MAP3K14: variants seen among roughly 807,000 people sequenced by gnomAD.
MAP3K14 encodes mitogen-activated protein kinase kinase kinase 14.
In MAP3K14, 16 loss-of-function variants were observed where a neutral mutation model predicts 99.2. The observed-to-expected ratio is 0.16, with a 90% confidence interval of 0.11 to 0.24. The LOEUF (loss-of-function observed/expected upper bound fraction) is 0.24, where lower values mean the gene tolerates loss of function less well. Ranked by LOEUF, MAP3K14 falls within the 10% of genes least tolerant of loss-of-function variation. The pLI is 1.00. For missense variants in MAP3K14, 784 were observed against 1,208.7 expected (o/e 0.65, Z 5.21); for synonymous variants, 462 against 492.4 (o/e 0.94, Z 0.82).
At chr17:45,275,048 AG>A (rs1280666888) in intron 6 of MAP3K14, among the ~76,000 whole-genome samples, 4 of 151,994 alleles carry the variant, frequency 2.6e-5, no homozygotes, top group African/African-American at 9.7e-5. Context: ...CTGAGGCAGG[AG>A]AATGGCGTGA....
intron 1 of MAP3K14, among the ~76,000 whole-genome samples, chr17:45,296,440 G>T (rs1301272556): frequency 2.0e-5 from 3 of 152,042 alleles, no homozygotes; most frequent in Non-Finnish European, 4.4e-5. Flanking sequence ...CAGGAGGGTT[G>T]CTTGAGCCTG....
At chr17:45,290,178 G>T (rs1484265301) in intron 2 of MAP3K14, among the ~76,000 whole-genome samples, 2 of 152,132 alleles carry the variant, frequency 1.3e-5, no homozygotes, top group Non-Finnish European at 2.9e-5. Context: ...CAGACACTGG[G>T]GCTGCTCAAG....
At position 45,264,346 on chromosome 17, in the gene MAP3K14, T is replaced by A; in HGVS notation, c.*290A>T. ...TCCAAGCGGGTCAGGCCAACTCGAC[T>A]GGAGCAGGGCAGAGAAGATCCTGTT... On this transcript the variant is annotated 3_prime_UTR_variant, in exon 16 of 16. Coordinates refer to ENST00000344686, the MANE Select transcript of MAP3K14 (RefSeq NM_003954.5). 3.0e-6 allele frequency: 1 copy of A among 334,062 alleles called. No individual in the cohort carries two copies. Among genetic ancestry groups the A allele is most frequent in the South Asian group, 5.5e-5 (1 of 18,160 alleles). 20.7% of individuals were successfully genotyped at this position (334,062 alleles called of 1,614,324 possible).
At chr17:45,280,487 T>C (rs2044213557) in intron 6 of MAP3K14, among the ~76,000 whole-genome samples, 1 of 152,090 alleles carries the variant, frequency 6.6e-6, no homozygotes, top group Admixed American at 6.6e-5. Context: ...GTATTTTTAA[T>C]AGAGACAGGG....
chr17:45,288,204 C>T (rs1324107107), intron 3 of MAP3K14, among the ~76,000 whole-genome samples: 2 of 152,174 alleles, frequency 1.3e-5, no homozygotes, highest in African/African-American at 2.4e-5. Flanking sequence ...GAGGCTCCTA[C>T]CCTGGGCCAA....
At chr17:45,264,952 A>G (rs1182056931) in intron 15 of MAP3K14, among the ~76,000 whole-genome samples, 152 bp from the exon 16 acceptor site, 1 of 152,182 alleles carries the variant, frequency 6.6e-6, no homozygotes, top group Non-Finnish European at 1.5e-5. Context: ...ACCCGGCTCA[A>G]GTGTAGGTCT....
chr17:45,284,548 G>C (rs1026497566), intron 6 of MAP3K14, among the ~76,000 whole-genome samples: 1 of 152,210 alleles, frequency 6.6e-6, no homozygotes, highest in Non-Finnish European at 1.5e-5. Flanking sequence ...TCAGGCCCTG[G>C]CTGTATTGAG....
At chr17:45,302,980 G>T (rs1456715677) in intron 1 of MAP3K14, among the ~76,000 whole-genome samples, 1 of 152,256 alleles carries the variant, frequency 6.6e-6, no homozygotes, top group East Asian at 1.9e-4. Flanking sequence ...AAGGTGCTCA[G>T]AAGATGCGGA....
intron 1 of MAP3K14, among the ~76,000 whole-genome samples, chr17:45,301,566 T>C (rs1371567295): frequency 2.0e-5 from 3 of 152,082 alleles, no homozygotes; most frequent in Non-Finnish European, 4.4e-5. Flanking sequence ...TCATGGAACA[T>C]CCATTAAAAA....
intron 10 of MAP3K14, chr17:45,270,805 G>A: frequency 1.3e-6 from 1 of 745,946 alleles, no homozygotes. Context: ...GGCCCGTTAG[G>A]AGGCAGGTGG....
chr17:45,276,261 G>A (rs2044179302), intron 6 of MAP3K14, among the ~76,000 whole-genome samples: 1 of 152,226 alleles, frequency 6.6e-6, no homozygotes, highest in Admixed American at 6.5e-5. Flanking sequence ...AACTTGGTGG[G>A]AGGAAATAGG....
chr17:45,285,198 T>C (rs1037904967), intron 5 of MAP3K14, among the ~76,000 whole-genome samples: 1 of 151,976 alleles, frequency 6.6e-6, no homozygotes, highest in Admixed American at 6.6e-5. Context: ...ATGAAAAACA[T>C]CCCAGACTTG....
At position 45,264,655 on chromosome 17, in the gene MAP3K14, T is replaced by C; in HGVS notation, c.2825A>G (p.Gln942Arg). ...FAWSWRVKHGQLENRP is the reference protein window; with the variant it reads ...FAWSWRVKHGRLENRP ...GCAGGGTTAGGGCCTGTTCTCCAGC[T>C]GGCCATGCTTGACCCTCCAGCTCCA... Residue 942 changes from glutamine (Q) to arginine (R), a missense_variant, in exon 16 of 16, where the codon CAG becomes CGG. Physicochemically the swap from Gln to Arg is conservative, Grantham distance 43 (BLOSUM62 1). Around this residue, in one of 5 missense-constraint regions of MAP3K14, gnomAD observed 130 missense variants for 220.4 expected, o/e 0.59. Coordinates refer to ENST00000344686, the MANE Select transcript of MAP3K14 (RefSeq NM_003954.5). The C allele has an allele frequency of 6.3e-7, 1 of 1,587,550 alleles. No homozygotes were observed. The highest frequency in any genetic ancestry group is 8.6e-7 in the Non-Finnish European group (1 of 1,167,524).
chr17:45,300,046 G>A (rs368832714), intron 1 of MAP3K14, among the ~76,000 whole-genome samples: 37 of 152,250 alleles, frequency 2.4e-4, no homozygotes, highest in African/African-American at 7.7e-4. Context: ...CCGAGATCGC[G>A]CCACTGCACT....
intron 1 of MAP3K14, among the ~76,000 whole-genome samples, chr17:45,294,143 G>A (rs930122292): frequency 2.0e-5 from 3 of 152,144 alleles, no homozygotes; most frequent in East Asian, 1.9e-4. Context: ...GCTTATTCAC[G>A]CCCCAAAGGC....
Position 45,316,989 on chromosome 17 carries a change from G to C in MAP3K14, c.-50C>G, listed in dbSNP as rs577460098. On this transcript the variant is annotated 5_prime_UTR_variant, in exon 1 of 16. Transcript: ENST00000344686. The stretch of plus-strand genomic sequence containing the variant: ...CAAGCGCCGATCTCCCCAACCAAGC[G>C]AGTGTTGCGCTCCGCTCGCCCGCGA... 2.0e-5 allele frequency: 3 copies of C among 152,396 alleles called. No individual in the cohort carries two copies. Among genetic ancestry groups the C allele is most frequent in the Non-Finnish European group, 2.9e-5 (2 of 68,208 alleles). 9.4% of individuals were successfully genotyped at this position (152,396 alleles called of 1,614,324 possible).
intron 1 of MAP3K14, among the ~76,000 whole-genome samples, chr17:45,295,963 T>C (rs2044343643): frequency 6.6e-6 from 1 of 152,194 alleles, no homozygotes; most frequent in South Asian, 2.1e-4. Flanking sequence ...TGATTCTCCA[T>C]ACACGAAAGG....
chr17:45,277,709 C>T (rs1279959652), intron 6 of MAP3K14, among the ~76,000 whole-genome samples: 1 of 152,168 alleles, frequency 6.6e-6, no homozygotes, highest in Non-Finnish European at 1.5e-5. Context: ...GGATATCTGA[C>T]ATTTGAGGGA....
At chr17:45,273,470 T>G in intron 9 of MAP3K14, 33 bp downstream of exon 9, 4 of 1,462,902 alleles carry the variant, frequency 2.7e-6, no homozygotes, top group Non-Finnish European at 3.7e-6. Flanking sequence ...AATGAATGCA[T>G]TGGGGGGCAC....
Sources: gnomAD v4.1 joint callset for allele counts (sites outside exome capture counted in the v4.1 genomes callset) on GRCh38, gnomAD v4.1.1 for gene constraint, gnomAD v4.1.1 regional missense constraint, MANE v1.5 for transcripts, NCBI Gene and HGNC (gene_info 2026-07-23, HGNC 2026-07-21) for gene names.